The following RIPK3 variants were observed in gnomAD, a reference collection of about 807,000 sequenced individuals.
RIPK3 encodes receptor-interacting serine/threonine-protein kinase 3.
RIPK3 carries 51 observed loss-of-function variants against 51.6 expected under a neutral mutation model. The ratio of observed to expected loss-of-function variants is 0.99; its 90% confidence interval spans 0.79 to 1.25. The LOEUF (loss-of-function observed/expected upper bound fraction) is 1.25, where lower values mean the gene tolerates loss of function less well. Ranked by LOEUF, RIPK3 falls within the 50% of genes most tolerant of loss-of-function variation. RIPK3 has a pLI of 0.00. For missense variants in RIPK3, 654 were observed against 650.4 expected (o/e 1.01, Z -0.06); for synonymous variants, 246 against 257.7 (o/e 0.95, Z 0.44).
chr14:24,337,625 T>A (rs1375351391), intron 7 of RIPK3, 70 bp downstream of exon 7: 1 of 1,541,560 alleles, frequency 6.5e-7, no homozygotes, highest in Admixed American at 1.7e-5. Context: ...TGGTGAGTCA[T>A]TGGATGGCCA....
In RIPK3 at chr14:24,339,556, A is replaced by G. The variant is rs1289815728; in HGVS notation, c.62T>C (p.Leu21Pro). ...APAPLVSIEELENQELVGKGG... is the reference protein window; with the variant it reads ...APAPLVSIEEPENQELVGKGG... ...TTTGCCGACGAGCTCCTGGTTCTCC[A>G]GTTCCTCGATGGACACCAAGGGGGC... Residue 21 changes from leucine (L) to proline (P), a missense_variant, in exon 2 of 10, where the codon CTG becomes CCG. Leu to Pro is a moderately conservative substitution (Grantham distance 98). Transcript: ENST00000216274. This position sits in a 1 kb window ranked among gnomAD's most constrained non-coding sequence, Gnocchi z 4.0. The G allele has an allele frequency of 3.1e-6, 5 of 1,614,180 alleles. No individual in the cohort carries two copies. Among genetic ancestry groups the G allele is most frequent in the Non-Finnish European group, 3.4e-6 (4 of 1,180,024 alleles).
rs774854960 is a variant in RIPK3 at position 24,338,212 on chromosome 14, T to G, written c.664+37A>C. On this transcript the variant is annotated intron_variant, in intron 5 of 9. Transcript: ENST00000216274. The stretch of plus-strand genomic sequence containing the variant: ...TTGGGGCTTTCAAGAGAAGGGCACC[T>G]GGGGTTAAGGATCCCAGAATCCTCC... 1.1e-4 allele frequency: 172 copies of G among 1,533,856 alleles called. 1 individual carries two copies. The highest frequency in any genetic ancestry group is 1.5e-4 in the Non-Finnish European group (167 of 1,138,736).
rs140844433 is a variant in RIPK3, at chr14:24,339,567, G to A, written c.51C>T (p.Ser17=). The A allele has an allele frequency of 2.5e-6, 4 of 1,614,016 alleles. No homozygotes were observed. The African/African-American group carries it at 4.0e-5, about 16-fold the overall frequency. Residue 17 remains serine (S), a synonymous_variant, in exon 2 of 10, where the codon TCC becomes TCT. Transcript: ENST00000216274. This position sits in a 1 kb window ranked among gnomAD's most constrained non-coding sequence, Gnocchi z 4.0. The stretch of plus-strand genomic sequence containing the variant: ...GCTCCTGGTTCTCCAGTTCCTCGAT[G>A]GACACCAAGGGGGCGGGGGCACCGC... The part of the protein sequence containing the change: ...WPSGAPAPLV[S]IEELENQELV...
At chr14:24,336,801 G>C (rs1327608573) in intron 9 of RIPK3, 84 bp downstream of exon 9, 1 of 1,237,380 alleles carries the variant, frequency 8.1e-7, no homozygotes, top group South Asian at 1.2e-5. Flanking sequence ...CCTCCACAAA[G>C]TACCCTGAAT....
At chr14:24,336,840 G>A in intron 9 of RIPK3, 45 bp downstream of exon 9, 2 of 1,530,172 alleles carry the variant, frequency 1.3e-6, no homozygotes, top group Non-Finnish European at 1.8e-6. Flanking sequence ...GAGGAGTCTG[G>A]TGGAAGAATT....
Position 24,336,880 on chromosome 14 carries a change from G to C in RIPK3, c.1336+5C>G. On this transcript the variant is annotated splice_donor_5th_base_variant and intron_variant, in intron 9 of 9. Transcript: ENST00000216274. ...AGGGAAAAGAAAGAGGTAGAGAATG[G>C]GTACCTGTTACTGGATTTGGCTCCG... 1.2e-6 allele frequency: 2 copies of C among 1,611,644 alleles called. No homozygotes were observed. The highest frequency in any genetic ancestry group is 1.7e-6 in the Non-Finnish European group (2 of 1,177,730).
chr14:24,338,958 G>T (rs753370728), intron 3 of RIPK3, 57 bp downstream of exon 3: 3 of 1,423,790 alleles, frequency 2.1e-6, no homozygotes, highest in Non-Finnish European at 3.0e-6. Flanking sequence ...CGGCGGGCCT[G>T]GCTGGAGCAG....
At chr14:24,337,486 G>C in intron 7 of RIPK3, 26 bp from the exon 8 acceptor site, 1 of 1,610,812 alleles carries the variant, frequency 6.2e-7, no homozygotes, top group Non-Finnish European at 8.5e-7. Context: ...GAGTTTGCTG[G>C]GTATGACTTG....
At position 24,336,035 on chromosome 14, in the gene RIPK3, T is replaced by A; in HGVS notation, c.*140A>T. The A allele has an allele frequency of 1.3e-6, 1 of 788,978 alleles. No individual in the cohort carries two copies. 48.9% of individuals were successfully genotyped at this position (788,978 alleles called of 1,614,324 possible). ...TGAGCTCAGACTGACTAGCATTCCA[T>A]CATGTTTATTGACTCCTGGGGGACA... On this transcript the variant is annotated 3_prime_UTR_variant, in exon 10 of 10. Coordinates refer to ENST00000216274, the MANE Select transcript of RIPK3 (RefSeq NM_006871.4).
At position 24,337,175 on chromosome 14, in the gene RIPK3, G is replaced by A; in HGVS notation, c.1186C>T (p.Pro396Ser). ...GTSSDSMAQP[P>S]QTPETSTFRN... Reference sequence around the variant, plus strand: ...AAAGTTGAGGTCTCTGGAGTCTGGGGAGGTTGGGCCATCGAATCTGAAGAT... The same window carrying A: ...AAAGTTGAGGTCTCTGGAGTCTGGGAAGGTTGGGCCATCGAATCTGAAGAT... Residue 396 changes from proline to serine, a missense_variant, in exon 8 of 10, where the codon CCC (proline) becomes TCC (serine). Coordinates refer to ENST00000216274, the MANE Select transcript of RIPK3 (RefSeq NM_006871.4). 6.2e-7 allele frequency: 1 copy of A among 1,612,926 alleles called. No individual in the cohort carries two copies. Among genetic ancestry groups the A allele is most frequent in the Non-Finnish European group, 8.5e-7 (1 of 1,180,030 alleles).
Position 24,339,876 on chromosome 14 carries a change from T to G in RIPK3, c.-50A>C, listed in dbSNP as rs768553280. The G allele has an allele frequency of 1.2e-5, 18 of 1,537,316 alleles. No homozygotes were observed. Among genetic ancestry groups the G allele is most frequent in the Non-Finnish European group, 1.4e-5 (16 of 1,145,830 alleles). On this transcript the variant is annotated 5_prime_UTR_variant, in exon 1 of 10. Coordinates refer to ENST00000216274, the MANE Select transcript of RIPK3 (RefSeq NM_006871.4). This position sits in a 1 kb window ranked among gnomAD's most constrained non-coding sequence, Gnocchi z 4.0. ...TCTGGAAATTGCGAGCCGTAGGAGA[T>G]GGAGTGACTTCTGGGGCTTGGTCCT...
rs1366634231 is a variant in RIPK3 at position 24,336,405 on chromosome 14, A to G, written c.1337-10T>C. ...TTAACGAGCGGTCGCCCTTTAAGAGAAATAGTGATGGTGGCAGGAGGGTTT... is the reference window on the plus strand; with the variant it reads ...TTAACGAGCGGTCGCCCTTTAAGAGGAATAGTGATGGTGGCAGGAGGGTTT... On this transcript the variant is annotated splice_polypyrimidine_tract_variant and intron_variant, in intron 9 of 9. Coordinates refer to ENST00000216274, the MANE Select transcript of RIPK3 (RefSeq NM_006871.4). The G allele has an allele frequency of 6.2e-7, 1 of 1,610,324 alleles. No individual in the cohort carries two copies. The highest frequency in any genetic ancestry group is 1.7e-5 in the Admixed American group (1 of 59,888).
At position 24,337,345 on chromosome 14, in the gene RIPK3, G is replaced by C. The variant is rs1000568844; in HGVS notation, c.1016C>G (p.Ser339Cys). 8 of 1,613,864 alleles carry C rather than the reference G, an allele frequency of 5.0e-6. No individual in the cohort carries two copies. The Admixed American group carries it at 6.7e-5, about 13-fold the overall frequency. Residue 339 changes from serine to cysteine, a missense_variant, in exon 8 of 10, where the codon TCT (serine) becomes TGT (cysteine). Ser to Cys is a moderately radical substitution (Grantham distance 112). Transcript: ENST00000216274. ...CTCAGAAACCATGACATCATTACGA[G>C]AGTGCTGGTTTTCTATGGTTCTCCT... ...GFRRTIENQH[S>C]RNDVMVSEWL...
chr14:24,339,462 T>C lies in RIPK3; in HGVS notation c.156A>G (p.Val52=), dbSNP rs1005349262. The C allele has an allele frequency of 6.2e-7, 1 of 1,614,074 alleles. No homozygotes were observed. Among genetic ancestry groups the C allele is most frequent in the South Asian group, 1.1e-5 (1 of 91,084 alleles). The part of the protein sequence containing the change: ...KWGYDVAVKI[V]NSKAISREVK... The stretch of plus-strand genomic sequence containing the variant: ...GGTCAACCGGGGTCACTCACGAGTT[T>C]ACGATCTTGACCGCCACATCGTAGC... Residue 52 remains valine (V), a synonymous_variant, in exon 2 of 10, where the codon GTA becomes GTG. Transcript: ENST00000216274. This position sits in a 1 kb window ranked among gnomAD's most constrained non-coding sequence, Gnocchi z 4.0.
chr14:24,339,888 T>C lies in RIPK3; in HGVS notation c.-62A>G. ...GAGCCGTAGGAGATGGAGTGACTTC[T>C]GGGGCTTGGTCCTTTCGCAGAGAGG... is the stretch of plus-strand genomic sequence containing the variant. On this transcript the variant is annotated 5_prime_UTR_variant, in exon 1 of 10. Transcript: ENST00000216274. This position sits in a 1 kb window ranked among gnomAD's most constrained non-coding sequence, Gnocchi z 4.0. 1.3e-6 allele frequency: 2 copies of C among 1,520,690 alleles called. No homozygotes were observed. 94.2% of individuals were successfully genotyped at this position (1,520,690 alleles called of 1,614,324 possible). A position where few individuals can be genotyped will look rare whatever the true frequency, so the allele number is the denominator to read the frequency against.
At chr14:24,337,572 G>T (rs766251660) in intron 7 of RIPK3, 112 bp from the exon 8 acceptor site, 1 of 1,589,944 alleles carries the variant, frequency 6.3e-7, no homozygotes, top group Admixed American at 1.7e-5. Context: ...GGTGGGCTGG[G>T]GACGGTGGGT....
rs761359980 is a variant in RIPK3, at chr14:24,339,097, T to C, written c.389A>G (p.Tyr130Cys). The C allele has an allele frequency of 1.9e-6, 3 of 1,614,082 alleles. No individual in the cohort carries two copies. Among genetic ancestry groups the C allele is most frequent in the South Asian group, 1.1e-5 (1 of 91,082 alleles). The change falls in exon 3 of 10, where the codon TAC becomes TGC. Residue 130 changes from tyrosine to cysteine, a missense_variant. Tyr to Cys is a radical substitution (Grantham distance 194). Coordinates refer to ENST00000216274, the MANE Select transcript of RIPK3 (RefSeq NM_006871.4). The surrounding 1 kb of genome is among the most constrained non-coding windows in gnomAD (Gnocchi z 4.0). ...LLKEVVLGMFYLHDQNPVLLH... is the reference protein window; with the variant it reads ...LLKEVVLGMFCLHDQNPVLLH... ...GAGCACCGGGTTCTGGTCGTGCAGG[T>C]AAAACATCCCAAGCACCACTTCTTT...
chr14:24,337,532 G>A (rs572227719), intron 7 of RIPK3, 72 bp from the exon 8 acceptor site: 29 of 1,611,138 alleles, frequency 1.8e-5, no homozygotes, highest in Middle Eastern at 1.6e-4. Context: ...GTAGTCTCTC[G>A]GTCCATAATC....
chr14:24,337,850 A>G (rs2042151147), intron 6 of RIPK3, 23 bp downstream of exon 6: 2 of 1,613,488 alleles, frequency 1.2e-6, no homozygotes, highest in Non-Finnish European at 1.7e-6. Context: ...CTTATCCTAG[A>G]TCCAGCTAAC....
Sources: allele counts gnomAD v4.1 joint callset, GRCh38; gene constraint gnomAD v4.1.1; non-coding constraint Gnocchi (gnomAD v3.1); transcripts MANE v1.5; gene names NCBI Gene and HGNC (gene_info 2026-07-23, HGNC 2026-07-21).